Variants in PTPRD observed in about 807,000 individuals in gnomAD.
The protein encoded by PTPRD is protein tyrosine phosphatase receptor type D.
PTPRD carries 34 observed loss-of-function variants against 214.5 expected under a neutral mutation model. That is an observed-to-expected ratio of 0.16 (90% confidence interval 0.12 to 0.21). The LOEUF is 0.21. Among genes scored for constraint, PTPRD ranks in the 10% least tolerant of loss-of-function variants. PTPRD has a pLI of 1.00. For missense variants in PTPRD, 2,545 were observed against 2,398.7 expected, an observed-to-expected ratio of 1.06 and a Z score of -1.27; for synonymous variants, 1,128 against 845.7, an observed-to-expected ratio of 1.33 and a Z score of -5.79.
At chr9:10,559,669 G>A (rs2063413922) in intron 2 of PTPRD, among the ~76,000 whole-genome samples, 1 of 152,022 alleles carries the variant, frequency 6.6e-6, no homozygotes, top group East Asian at 1.9e-4. Flanking sequence ...CCTGAAAAAG[G>A]GCTAATATCC....
intron 9 of PTPRD, among the ~76,000 whole-genome samples, chr9:9,235,201 G>A (rs4742570): frequency 0.11 from 16,814 of 152,056 alleles, 1,181 homozygotes; most frequent in Admixed American, 0.17. Flanking sequence ...CATATCTTAT[G>A]CAAACCCAGT....
chr9:9,048,129 G>T (rs74782452), intron 10 of PTPRD, among the ~76,000 whole-genome samples: 12 of 152,100 alleles, frequency 7.9e-5, no homozygotes, highest in African/African-American at 2.9e-4. Context: ...TAGAAGGGCT[G>T]ATATCCAAAA....
At chr9:8,378,058 TC>T (rs1402262161) in intron 37 of PTPRD, among the ~76,000 whole-genome samples, 1 of 152,110 alleles carries the variant, frequency 6.6e-6, no homozygotes, top group Non-Finnish European at 1.5e-5. Context: ...AAGGTTTGAT[TC>T]CTATGCCTTG....
chr9:10,410,413 G>A (rs187050115), intron 2 of PTPRD, among the ~76,000 whole-genome samples: 2 of 150,968 alleles, frequency 1.3e-5, no homozygotes, highest in Admixed American at 1.3e-4. Context: ...TTCATAATAT[G>A]ACTCTCAGCA....
At chr9:8,806,923 T>A (rs1014390013) in intron 11 of PTPRD, among the ~76,000 whole-genome samples, 5 of 152,160 alleles carry the variant, frequency 3.3e-5, no homozygotes, top group African/African-American at 1.2e-4. Context: ...AAAACCTAAT[T>A]CTGTCATAGG....
chr9:10,269,762 A>G (rs1208617900), intron 3 of PTPRD, among the ~76,000 whole-genome samples: 1 of 152,192 alleles, frequency 6.6e-6, no homozygotes, highest in East Asian at 1.9e-4. Context: ...TTTGTGTTTT[A>G]CAAAAATATC....
intron 12 of PTPRD, among the ~76,000 whole-genome samples, chr9:8,725,348 T>A (rs1211951090): frequency 6.6e-6 from 1 of 152,174 alleles, no homozygotes; most frequent in African/African-American, 2.4e-5. Flanking sequence ...GGGATCATAT[T>A]GCTTTTAATC....
chr9:8,869,691 T>C (rs1586969170), intron 11 of PTPRD, among the ~76,000 whole-genome samples: 2 of 151,650 alleles, frequency 1.3e-5, no homozygotes, highest in Middle Eastern at 3.4e-3. Flanking sequence ...GCGGCCTTTT[T>C]CCAGGATTTG....
chr9:9,046,257 T>C (rs2099671907), intron 10 of PTPRD, among the ~76,000 whole-genome samples: 1 of 152,172 alleles, frequency 6.6e-6, no homozygotes, highest in Admixed American at 6.6e-5. Flanking sequence ...TTTATACAAA[T>C]TACAGATAAT....
chr9:9,295,641 T>C (rs1414876758), intron 9 of PTPRD, among the ~76,000 whole-genome samples: 1 of 151,786 alleles, frequency 6.6e-6, no homozygotes, highest in African/African-American at 2.4e-5. Flanking sequence ...GACTTTTCTC[T>C]CAAAAGTAAT....
intron 9 of PTPRD, among the ~76,000 whole-genome samples, chr9:9,272,866 C>T (rs1004405738): frequency 6.6e-5 from 10 of 151,214 alleles, no homozygotes; most frequent in Admixed American, 4.0e-4. Flanking sequence ...CAAAGAAGTG[C>T]CCTGAAATAT....
At chr9:8,652,198 A>G (rs930644470) in intron 12 of PTPRD, among the ~76,000 whole-genome samples, 1 of 152,226 alleles carries the variant, frequency 6.6e-6, no homozygotes, top group African/African-American at 2.4e-5. Flanking sequence ...TTTTAATGAC[A>G]CTATTTACCA....
intron 10 of PTPRD, among the ~76,000 whole-genome samples, chr9:9,127,014 A>G (rs1259365259): frequency 6.6e-6 from 1 of 151,824 alleles, no homozygotes; most frequent in East Asian, 1.9e-4. Flanking sequence ...AGGTACACAC[A>G]CACACACTCA....
intron 39 of PTPRD, among the ~76,000 whole-genome samples, chr9:8,373,804 T>TTATGCATG (rs2082270097): frequency 7.9e-6 from 1 of 126,912 alleles, no homozygotes; most frequent in Non-Finnish European, 1.6e-5. Flanking sequence ...ATTTTAAAAA[T>TTATGCATG]TATGTATGTA....
intron 9 of PTPRD, among the ~76,000 whole-genome samples, chr9:9,321,774 T>C (rs191638179): frequency 2.6e-5 from 4 of 152,276 alleles, no homozygotes; most frequent in African/African-American, 9.6e-5. Flanking sequence ...ATGGGAGTTG[T>C]AGCAGGGTCT....
At chr9:10,587,054 T>C (rs796226834) in intron 2 of PTPRD, among the ~76,000 whole-genome samples, 30 of 152,226 alleles carry the variant, frequency 2.0e-4, no homozygotes, top group African/African-American at 6.7e-4. Context: ...TAAAATTTCA[T>C]GGTGATATTT....
chr9:9,086,078 A>T (rs2099766663), intron 10 of PTPRD, among the ~76,000 whole-genome samples: 1 of 152,218 alleles, frequency 6.6e-6, no homozygotes, highest in Admixed American at 6.5e-5. Context: ...GTTAATGATT[A>T]ACTAACTCAC....
intron 3 of PTPRD, among the ~76,000 whole-genome samples, chr9:10,103,570 C>T (rs938835222): frequency 6.6e-6 from 1 of 151,038 alleles, no homozygotes; most frequent in Non-Finnish European, 1.5e-5. Flanking sequence ...CCCCCTAAAG[C>T]CCTTTGTGGT....
At chr9:9,961,401 A>C (rs1236657605) in intron 4 of PTPRD, among the ~76,000 whole-genome samples, 1 of 152,176 alleles carries the variant, frequency 6.6e-6, no homozygotes, top group Non-Finnish European at 1.5e-5. Context: ...GAGAACAAAC[A>C]AGAAGAATGA....
Sources: gnomAD v4.1 joint callset for allele counts (sites outside exome capture counted in the v4.1 genomes callset) on GRCh38, gnomAD v4.1.1 for gene constraint, MANE v1.5 for transcripts, NCBI Gene and HGNC (gene_info 2026-07-23, HGNC 2026-07-21) for gene names.